Variants in KRT15 observed in about 807,000 individuals in gnomAD.
The protein encoded by KRT15 is keratin, type I cytoskeletal 15.
A neutral mutation model predicts 46.6 loss-of-function variants in KRT15; 45 were observed. That is an observed-to-expected ratio of 0.97 (90% confidence interval 0.76 to 1.24). The LOEUF (loss-of-function observed/expected upper bound fraction) is 1.24, where lower values mean the gene tolerates loss of function less well. KRT15 is among the 50% of genes most tolerant of loss of function. The pLI is 0.00. For synonymous variants in KRT15, 221 were observed against 233.8 expected (o/e 0.95, Z 0.50); for missense variants, 592 against 588.9 (o/e 1.01, Z -0.05).
At chr17:41,514,804 T>C in intron 6 of KRT15, 130 bp from the exon 7 acceptor site, 1 of 823,768 alleles carries the variant, frequency 1.2e-6, no homozygotes, top group South Asian at 1.6e-5. Context: ...CTGACTCCTC[T>C]AGGGGTGGGA....
rs763206733 is a variant in KRT15, at chr17:41,515,621, C to T, written c.1098G>A (p.Gly366=). The T allele has an allele frequency of 7.4e-6, 12 of 1,614,198 alleles. No individual in the cohort carries two copies. The South Asian group carries it at 1.2e-4, about 16-fold the overall frequency. The change falls in exon 6 of 8, where the codon GGG becomes GGA. Residue 366 remains glycine (G), a synonymous_variant. Coordinates refer to ENST00000254043, the MANE Select transcript of KRT15 (RefSeq NM_002275.4). ...RYATQLQQIQ[G]LIGGLEAQLS... ...GCTGGGCCTCCAGGCCACCAATGAG[C>T]CCCTGGATCTGCTGCAGCTGCGTGG...
rs752063957 is a variant in KRT15 at position 41,515,492 on chromosome 17, C to G, written c.1227G>C (p.Leu409=). ...LEQEIATYRS[L]LEGQDAKMAG... is the part of the protein sequence containing the mutation. ...CCTACTTGGCATCCTGGCCCTCGAG[C>G]AGGCTGCGGTAAGTAGCGATCTCCT... The change falls in exon 6 of 8, where the codon CTG becomes CTC. Residue 409 remains leucine, a synonymous_variant. Coordinates refer to ENST00000254043, the MANE Select transcript of KRT15 (RefSeq NM_002275.4). 39 of 1,613,554 alleles carry G rather than the reference C, an allele frequency of 2.4e-5. No homozygotes were observed. Among genetic ancestry groups the G allele is most frequent in the Non-Finnish European group, 3.1e-5 (36 of 1,180,028 alleles).
intron 1 of KRT15, among the ~76,000 whole-genome samples, chr17:41,517,927 C>T (rs555872868): frequency 1.3e-5 from 2 of 152,208 alleles, no homozygotes; most frequent in East Asian, 3.9e-4. Flanking sequence ...ACAGGTTCCA[C>T]TCTGTCACCT....
In KRT15 at chr17:41,518,265, G is replaced by C; in HGVS notation, c.498+65C>G. ...ATTTCCTTGAGTCAGCAGTAACACT[G>C]ACATTAGAGCTGTGTACAGGGTACC... On this transcript the variant is annotated intron_variant, in intron 1 of 7. Transcript: ENST00000254043. 2.7e-6 allele frequency: 4 copies of C among 1,508,200 alleles called. No individual in the cohort carries two copies. In the South Asian group the frequency reaches 5.2e-5, roughly 20 times the overall value. 93.4% of individuals were successfully genotyped at this position (1,508,200 alleles called of 1,614,324 possible).
Position 41,518,770 on chromosome 17 carries a change from C to G in KRT15, c.58G>C (p.Gly20Arg). 1 of 1,577,314 alleles carries G rather than the reference C, an allele frequency of 6.3e-7. No individual in the cohort carries two copies. Among genetic ancestry groups the G allele is most frequent in the Non-Finnish European group, 8.6e-7 (1 of 1,164,892 alleles). Residue 20 changes from glycine to arginine, a missense_variant, in exon 1 of 8, where the codon GGG (glycine) becomes CGG (arginine). Coordinates refer to ENST00000254043, the MANE Select transcript of KRT15 (RefSeq NM_002275.4). ...CCTCCCCCAGCCAGGAGGGAACCCC[C>G]TCGGGTTGAGCCACCCCCAAAGGTG... ...SSTFGGGSTR[G>R]GSLLAGGGGF... is the part of the protein sequence containing the mutation.
At chr17:41,518,145 G>A (rs1482324381) in intron 1 of KRT15, among the ~76,000 whole-genome samples, 185 bp downstream of exon 1, 5 of 152,054 alleles carry the variant, frequency 3.3e-5, no homozygotes, top group Admixed American at 6.6e-5. Flanking sequence ...CCACCAAGTT[G>A]AGAAGATGTG....
At position 41,518,479 on chromosome 17, in the gene KRT15, C is replaced by G. The variant is rs754327633; in HGVS notation, c.349G>C (p.Ala117Pro). 3.1e-6 allele frequency: 5 copies of G among 1,613,936 alleles called. No homozygotes were observed. In the South Asian group the frequency reaches 4.4e-5, roughly 14 times the overall value. ...ITMQNLNDRLASYLDKVRALE... is the reference protein window; with the variant it reads ...ITMQNLNDRLPSYLDKVRALE... Reference sequence around the variant, plus strand: ...GCACGTACCTTGTCCAGGTAGGAGGCCAGGCGGTCATTGAGGTTCTGCATG... The same window carrying G: ...GCACGTACCTTGTCCAGGTAGGAGGGCAGGCGGTCATTGAGGTTCTGCATG... Residue 117 changes from alanine to proline, a missense_variant, in exon 1 of 8, where the codon GCC (alanine) becomes CCC (proline). Physicochemically the swap from Ala to Pro is conservative, Grantham distance 27. Coordinates refer to ENST00000254043, the MANE Select transcript of KRT15 (RefSeq NM_002275.4).
chr17:41,516,524 C>T (rs914533376), intron 3 of KRT15, among the ~76,000 whole-genome samples: 22 of 152,130 alleles, frequency 1.4e-4, no homozygotes, highest in Non-Finnish European at 2.2e-4. Flanking sequence ...ACCATTCATA[C>T]GGGCCACCTG....
Position 41,513,945 on chromosome 17 carries a change from G to A in KRT15, c.*78C>T, listed in dbSNP as rs988196440. 42 of 1,063,266 alleles carry A rather than the reference G, an allele frequency of 4.0e-5. 1 individual carries two copies. In the Middle Eastern group the frequency reaches 6.0e-4, roughly 15 times the overall value. The allele number at this position is 1,063,266 out of a possible 1,614,324, so 65.9% of individuals were successfully genotyped here. ...AAGGCAGGGACTGGAGTTTGCATGTGCAGGCCCTCTGGCCAGTCCTCCACT... is the reference window on the plus strand; with the variant it reads ...AAGGCAGGGACTGGAGTTTGCATGTACAGGCCCTCTGGCCAGTCCTCCACT... On this transcript the variant is annotated 3_prime_UTR_variant, in exon 8 of 8. Coordinates refer to ENST00000254043, the MANE Select transcript of KRT15 (RefSeq NM_002275.4).
chr17:41,518,624 G>A lies in KRT15; in HGVS notation c.204C>T (p.Gly68=), dbSNP rs200870494. The part of the protein sequence containing the change: ...GGYGGGMRVC[G]FGGGAGSVFG... Reference sequence around the variant, plus strand: ...AAACACTACCAGCCCCTCCACCAAAGCCACAGACCCTCATGCCACCCCCAT... The same window carrying A: ...AAACACTACCAGCCCCTCCACCAAAACCACAGACCCTCATGCCACCCCCAT... The change falls in exon 1 of 8, where the codon GGC becomes GGT. Residue 68 remains glycine (G), a synonymous_variant. Coordinates refer to ENST00000254043, the MANE Select transcript of KRT15 (RefSeq NM_002275.4). The A allele has an allele frequency of 6.2e-7, 1 of 1,605,190 alleles. No homozygotes were observed. The highest frequency in any genetic ancestry group is 8.5e-7 in the Non-Finnish European group (1 of 1,177,874).
At chr17:41,515,777 C>T (rs1018731696) in intron 5 of KRT15, 85 bp from the exon 6 acceptor site, 1 of 1,600,236 alleles carries the variant, frequency 6.2e-7, no homozygotes, top group Non-Finnish European at 8.5e-7. Flanking sequence ...GAATGGAGTT[C>T]AGGGAACCAC....
intron 1 of KRT15, 52 bp downstream of exon 1, chr17:41,518,278 T>C (rs371457880): frequency 6.4e-7 from 1 of 1,561,338 alleles, no homozygotes; most frequent in East Asian, 2.2e-5. Flanking sequence ...ATTAGAGCTG[T>C]GTACAGGGTA....
At chr17:41,517,533 G>A (rs1055566578) in intron 1 of KRT15, 3 of 297,078 alleles carry the variant, frequency 1.0e-5, no homozygotes, top group Non-Finnish European at 2.0e-5. Flanking sequence ...GCCCCACTGT[G>A]GACAACTCAT....
intron 6 of KRT15, chr17:41,515,001 G>A: frequency 3.4e-6 from 1 of 294,688 alleles, no homozygotes; most frequent in Non-Finnish European, 6.4e-6. Flanking sequence ...CGAGTAGCTG[G>A]GATTACAGGC....
chr17:41,514,689 G>A lies in KRT15; in HGVS notation c.1248-15C>T. On this transcript the variant is annotated splice_polypyrimidine_tract_variant and intron_variant, in intron 6 of 7. Coordinates refer to ENST00000254043, the MANE Select transcript of KRT15 (RefSeq NM_002275.4). ...TGCCAGCCATCCTGAAAGAAAGAGG[G>A]AAGCTGATTTAAGCAAAGGGCACAA... The A allele has an allele frequency of 1.2e-6, 2 of 1,613,262 alleles. No individual in the cohort carries two copies. Among genetic ancestry groups the A allele is most frequent in the Non-Finnish European group, 1.7e-6 (2 of 1,179,450 alleles).
At chr17:41,517,861 A>G (rs1156638092) in intron 1 of KRT15, among the ~76,000 whole-genome samples, 1 of 152,182 alleles carries the variant, frequency 6.6e-6, no homozygotes, top group Admixed American at 6.5e-5. Flanking sequence ...TGCAGGGTGC[A>G]TGAGGTAGGG....
At chr17:41,515,283 G>C in intron 6 of KRT15, 189 bp downstream of exon 6, 3 of 596,118 alleles carry the variant, frequency 5.0e-6, no homozygotes, top group Non-Finnish European at 9.0e-6. Flanking sequence ...GATCCAGAGA[G>C]AGGAAGTGAC....
Position 41,518,642 on chromosome 17 carries a change from A to G in KRT15, c.186T>C (p.Gly62=). The change falls in exon 1 of 8, where the codon GGT becomes GGC. Residue 62 remains glycine (G), a synonymous_variant. Transcript: ENST00000254043. The part of the protein sequence containing the change: ...VSSGSGGGYG[G]GMRVCGFGGG... ...CACCAAAGCCACAGACCCTCATGCC[A>G]CCCCCATATCCTCCTCCTGACCCTG... The G allele has an allele frequency of 2.5e-6, 4 of 1,595,364 alleles. No homozygotes were observed. Among genetic ancestry groups the G allele is most frequent in the Non-Finnish European group, 3.4e-6 (4 of 1,172,760 alleles).
intron 3 of KRT15, 44 bp downstream of exon 3, chr17:41,516,763 TC>T (rs772995129): frequency 1.2e-6 from 2 of 1,604,592 alleles, no homozygotes; most frequent in Non-Finnish European, 1.7e-6. Flanking sequence ...GGGAAGAGGT[TC>T]CCCACCTCTC....
Sources: gnomAD v4.1 joint callset for allele counts (sites outside exome capture counted in the v4.1 genomes callset) on GRCh38, gnomAD v4.1.1 for gene constraint, MANE v1.5 for transcripts, NCBI Gene and HGNC (gene_info 2026-07-23, HGNC 2026-07-21) for gene names.